RYR2: variants seen among roughly 807,000 people sequenced by gnomAD.
The protein encoded by RYR2 is cardiac muscle ryanodine receptor-calcium release channel.
Under a neutral mutation model 601.1 loss-of-function variants are expected in RYR2, and 227 were observed. The ratio of observed to expected loss-of-function variants is 0.38; its 90% CI spans 0.34 to 0.42. The LOEUF is 0.42. Among genes scored for constraint, RYR2 ranks in the 10% least tolerant of loss-of-function variants. RYR2 has a pLI of 1.00. For missense variants in RYR2, 4,646 were observed against 6,156.5 expected, an observed-to-expected ratio of 0.75 and a Z score of 8.21; for synonymous variants, 2,223 against 2,175.1, an observed-to-expected ratio of 1.02 and a Z score of -0.61.
chr1:237,438,569 CT>C (rs1304713738), intron 12 of RYR2, among the ~76,000 whole-genome samples: 2 of 152,198 alleles, frequency 1.3e-5, no homozygotes, highest in Non-Finnish European at 2.9e-5. Flanking sequence ...TTATACTGGA[CT>C]TTCCTCCAGC....
intron 97 of RYR2, among the ~76,000 whole-genome samples, chr1:237,798,828 C>G (rs1659603691): frequency 6.7e-6 from 1 of 149,344 alleles, no homozygotes; most frequent in East Asian, 2.0e-4. Flanking sequence ...CAGATATATA[C>G]ATACATCCAT....
intron 10 of RYR2, among the ~76,000 whole-genome samples, chr1:237,399,157 T>G (rs1703119079): frequency 6.6e-6 from 1 of 152,066 alleles, no homozygotes; most frequent in South Asian, 2.1e-4. Context: ...ATCATGCCAC[T>G]TCACTCCGGC....
At chr1:237,576,855 G>T (rs564524571) in intron 29 of RYR2, among the ~76,000 whole-genome samples, 2 of 152,112 alleles carry the variant, frequency 1.3e-5, no homozygotes, top group African/African-American at 4.8e-5. Flanking sequence ...GACAATAAAC[G>T]TGTGAAGAGA....
At chr1:237,437,322 G>T (rs1707501655) in intron 12 of RYR2, among the ~76,000 whole-genome samples, 1 of 152,018 alleles carries the variant, frequency 6.6e-6, no homozygotes, top group Non-Finnish European at 1.5e-5. Flanking sequence ...AAAGTGCTGG[G>T]ATTACAGGCG....
At chr1:237,459,294 A>T (rs549528134) in intron 16 of RYR2, among the ~76,000 whole-genome samples, 1 of 152,294 alleles carries the variant, frequency 6.6e-6, no homozygotes, top group East Asian at 1.9e-4. Context: ...CTAAATAATA[A>T]TAAAAACTGG....
chr1:237,071,397 T>A (rs1385814643), intron 1 of RYR2, among the ~76,000 whole-genome samples: 4 of 152,064 alleles, frequency 2.6e-5, no homozygotes, highest in Non-Finnish European at 1.5e-5. Flanking sequence ...CTAATTTTTC[T>A]ATTTTTAGTA....
At position 237,092,282 on chromosome 1, in the gene RYR2, A is replaced by T. The variant is rs534160189; in HGVS notation, c.48+49713A>T. On this transcript the variant is annotated intron_variant, in intron 1 of 104. Coordinates refer to ENST00000366574, the MANE Select transcript of RYR2 (RefSeq NM_001035.3). ...AAGGAATGTAAAAGCAGGCTGAAATATCCTTAGGTACGCTCCAGATGGCCA... is the reference window on the plus strand; with the variant it reads ...AAGGAATGTAAAAGCAGGCTGAAATTTCCTTAGGTACGCTCCAGATGGCCA... 1.8e-4 allele frequency among the ~76,000 whole-genome samples: 27 copies of T among 152,218 alleles called. No individual in the cohort carries two copies. The South Asian group carries it at 5.6e-3, about 32-fold the overall frequency.
At chr1:237,546,987 ATATATATATT>A (rs890830776) in intron 25 of RYR2, among the ~76,000 whole-genome samples, 31 of 125,044 alleles carry the variant, frequency 2.5e-4, no homozygotes, top group South Asian at 2.3e-3. Flanking sequence ...ATATATATAT[ATATATATATT>A]TATTTATTTA....
chr1:237,592,409 GA>G (rs1675303978), intron 32 of RYR2, among the ~76,000 whole-genome samples: 1 of 152,108 alleles, frequency 6.6e-6, no homozygotes, highest in Non-Finnish European at 1.5e-5. Flanking sequence ...GAGGTGGATG[GA>G]TCATCTGAGG....
intron 44 of RYR2, among the ~76,000 whole-genome samples, chr1:237,637,892 T>C (rs78226366): frequency 9.2e-4 from 140 of 152,124 alleles, no homozygotes; most frequent in African/African-American, 3.2e-3. Flanking sequence ...TGACAAGGAA[T>C]TGCGGGTGGA....
rs11413589 is a variant in RYR2, at chr1:237,634,741, T to TA, written c.6689-144dup. On this transcript the variant is annotated intron_variant, in intron 43 of 104. Transcript: ENST00000366574. ...TTTTTATTTGTCAATTCAAAATACG[T>TA]AAAATTAAACTTTAATGTAAATCAA... The TA allele has an allele frequency of 0.37, 210,421 of 563,834 alleles. 41,590 individuals are homozygous for TA. Among genetic ancestry groups the TA allele is most frequent in the African/African-American group, 0.57 (30,143 of 53,084 alleles). 34.9% of individuals were successfully genotyped at this position (563,834 alleles called of 1,614,324 possible).
At chr1:237,661,402 G>A (rs954611253) in intron 56 of RYR2, among the ~76,000 whole-genome samples, 10 of 152,182 alleles carry the variant, frequency 6.6e-5, no homozygotes, top group Middle Eastern at 3.4e-3. Context: ...TGTAGATGAC[G>A]GGTTGATGGG....
At chr1:237,587,567 A>AT (rs369762364) in intron 29 of RYR2, among the ~76,000 whole-genome samples, 1 of 152,198 alleles carries the variant, frequency 6.6e-6, no homozygotes, top group African/African-American at 2.4e-5. Flanking sequence ...TACTTGGAGT[A>AT]TTTTCCTATG....
intron 56 of RYR2, among the ~76,000 whole-genome samples, chr1:237,663,584 C>T (rs985513580): frequency 2.0e-5 from 3 of 152,114 alleles, no homozygotes; most frequent in South Asian, 2.1e-4. Flanking sequence ...ACTGGTTAAC[C>T]TCTGTATGCT....
rs138480253 is a variant in RYR2, at chr1:237,366,544, AG to A, written c.309+2173del. 4.8e-3 allele frequency among the ~76,000 whole-genome samples: 737 copies of A among 152,248 alleles called. 9 individuals carry two copies. The highest frequency in any genetic ancestry group is 0.016 in the African/African-American group (650 of 41,530). ...AGCCTCCTAGGTAGTTGGGATTACA[AG>A]CATGAGGCACTTTGCCTTGCTCTGG... On this transcript the variant is annotated intron_variant, in intron 5 of 104. Coordinates refer to ENST00000366574, the MANE Select transcript of RYR2 (RefSeq NM_001035.3).
chr1:237,568,425 C>A (rs1672320467), intron 28 of RYR2, among the ~76,000 whole-genome samples: 1 of 152,124 alleles, frequency 6.6e-6, no homozygotes, highest in African/African-American at 2.4e-5. Flanking sequence ...ACGGAATATA[C>A]TTGTAGATGC....
Position 237,641,011 on chromosome 1 carries a change from C to G in RYR2, c.7221+9C>G. ...GTGCTCCTGAGATGCATGTGAGTTT[C>G]TGGGAGTTCAGGAGCAGCAATCCTG... On this transcript the variant is annotated intron_variant, in intron 47 of 104. Coordinates refer to ENST00000366574, the MANE Select transcript of RYR2 (RefSeq NM_001035.3). The G allele has an allele frequency of 1.3e-6, 2 of 1,599,780 alleles. No individual in the cohort carries two copies. The highest frequency in any genetic ancestry group is 1.7e-6 in the Non-Finnish European group (2 of 1,170,586).
rs780949229 is a variant in RYR2 at position 237,548,552 on chromosome 1, G to T, written c.3028G>T (p.Asp1010Tyr). The change falls in exon 26 of 105, where the codon GAT becomes TAT. Residue 1010 changes from aspartate to tyrosine, a missense_variant. Asp to Tyr is a radical substitution (Grantham distance 160). This residue lies in a region of RYR2 where 1,807 missense variants were observed against 2,088.1 expected (regional missense o/e 0.87). Transcript: ENST00000366574. The part of the protein sequence containing the change: ...AENAHNVWAR[D>Y]RIRQGWTYGI... ...AAATGCACATAATGTGTGGGCGCGG[G>T]ATCGAATCCGGCAGGGCTGGACTTA... 8 of 1,613,980 alleles carry T rather than the reference G, an allele frequency of 5.0e-6. No individual in the cohort carries two copies. Among genetic ancestry groups the T allele is most frequent in the Non-Finnish European group, 5.9e-6 (7 of 1,179,882 alleles).
chr1:237,121,030 CTG>C lies in RYR2; in HGVS notation c.48+78482_48+78483del, dbSNP rs146153915. On this transcript the variant is annotated intron_variant, in intron 1 of 104. Coordinates refer to ENST00000366574, the MANE Select transcript of RYR2 (RefSeq NM_001035.3). ...AACCCCCAACTACAGGTTTAAAATG[CTG>C]TGTGTGTGTGTGTGTGTGTGCACAT... 529 of 148,044 alleles carry C rather than the reference CTG, an allele frequency of 3.6e-3. 3 individuals are homozygous for C. Among genetic ancestry groups the C allele is most frequent in the African/African-American group, 9.8e-3 (397 of 40,466 alleles). 9.2% of individuals were successfully genotyped at this position (148,044 alleles called of 1,614,324 possible).
Sources: allele counts gnomAD v4.1 joint callset (sites outside exome capture counted in the v4.1 genomes callset), GRCh38; gene constraint gnomAD v4.1.1; regional missense constraint gnomAD v4.1.1; transcripts MANE v1.5; gene names NCBI Gene and HGNC (gene_info 2026-07-23, HGNC 2026-07-21).